The following RBM6 variants were observed in gnomAD, a reference collection of about 807,000 sequenced individuals.
RBM6 encodes RNA-binding protein 6.
RBM6 carries 23 observed loss-of-function variants against 140.4 expected under a neutral mutation model. The ratio of observed to expected loss-of-function variants is 0.16; its 90% confidence interval spans 0.12 to 0.23. The LOEUF (loss-of-function observed/expected upper bound fraction) is 0.23, where lower values mean the gene tolerates loss of function less well. Ranked by LOEUF, RBM6 falls within the 10% of genes least tolerant of loss-of-function variation. The pLI, the probability that RBM6 is intolerant of heterozygous loss-of-function variation, is 1.00. For synonymous variants in RBM6, 439 were observed against 475.6 expected (o/e 0.92, Z 1.00); for missense variants, 1,139 against 1,386.7 (o/e 0.82, Z 2.84).
intron 2 of RBM6, among the ~76,000 whole-genome samples, chr3:49,964,832 A>G (rs1441383033): frequency 6.6e-6 from 1 of 152,204 alleles, no homozygotes; most frequent in African/African-American, 2.4e-5. Context: ...ACTTTTTTCA[A>G]ATTTAGAACA....
At chr3:50,053,398 G>A (rs1391633896) in intron 7 of RBM6, among the ~76,000 whole-genome samples, 1 of 152,112 alleles carries the variant, frequency 6.6e-6, no homozygotes, top group African/African-American at 2.4e-5. Context: ...AGGTGTAGTG[G>A]CACATGCCTG....
At chr3:49,980,718 C>T (rs921740031) in intron 5 of RBM6, among the ~76,000 whole-genome samples, 3 of 145,806 alleles carry the variant, frequency 2.1e-5, no homozygotes, top group Non-Finnish European at 4.5e-5. Context: ...GCCAAGATCA[C>T]GCCATTGCAC....
At chr3:49,957,775 T>C (rs1460499130) in intron 1 of RBM6, among the ~76,000 whole-genome samples, 1 of 152,090 alleles carries the variant, frequency 6.6e-6, no homozygotes, top group Non-Finnish European at 1.5e-5. Flanking sequence ...AAAGCAAAAT[T>C]GCAATAATGC....
intron 6 of RBM6, among the ~76,000 whole-genome samples, chr3:50,040,710 G>A (rs2088867400): frequency 1.3e-5 from 2 of 149,560 alleles, no homozygotes; most frequent in South Asian, 4.2e-4. Context: ...AGGCTGGAAT[G>A]CAATGGCGTG....
At chr3:49,963,899 T>TCCTTTTTTTA in intron 2 of RBM6, among the ~76,000 whole-genome samples, 1 of 152,242 alleles carries the variant, frequency 6.6e-6, no homozygotes, top group Admixed American at 6.6e-5. Flanking sequence ...TAGTACATTT[T>TCCTTTTTTTA]CCTTTTTTTA....
rs199633632 is a variant in RBM6, at chr3:50,075,230, T to C, written c.3146T>C (p.Ile1049Thr). Residue 1049 changes from isoleucine (I) to threonine (T), a missense_variant, in exon 20 of 21, where the codon ATC (isoleucine) becomes ACC (threonine). Around this residue, in one of 9 missense-constraint regions of RBM6, gnomAD observed 125 missense variants for 142.0 expected, o/e 0.88. Transcript: ENST00000266022. ...CGTAAACTTGTTGATAAAGAAGATA[T>C]CGACACTAGCAGCAAAGGAGGCTGT... ...SDRKLVDKED[I>T]DTSSKGGCVQ... 7.2e-5 allele frequency: 116 copies of C among 1,613,750 alleles called. No individual in the cohort carries two copies. The highest frequency in any genetic ancestry group is 1.3e-4 in the East Asian group (6 of 44,866).
At chr3:49,955,500 T>G (rs1373341830) in intron 1 of RBM6, among the ~76,000 whole-genome samples, 1 of 151,900 alleles carries the variant, frequency 6.6e-6, no homozygotes, top group East Asian at 1.9e-4. Flanking sequence ...CAGGTTCAAG[T>G]GATTCTCCTG....
Position 50,065,116 on chromosome 3 carries a change from G to A in RBM6, c.2672G>A (p.Ser891Asn), listed in dbSNP as rs1187672667. ...PLPPTVKKEE[S>N]PPPPKVVNPL... ...CCTCCTACTGTGAAGAAGGAAGAGA[G>A]TCCCCCTCCAGTAAGACCAACATTG... is the stretch of plus-strand genomic sequence containing the variant. The change falls in exon 16 of 21, where the codon AGT becomes AAT. Residue 891 changes from serine (S) to asparagine (N), a missense_variant. This residue lies in a region of RBM6 where 163 missense variants were observed against 182.8 expected (regional missense o/e 0.89). Coordinates refer to ENST00000266022, the MANE Select transcript of RBM6 (RefSeq NM_005777.3). 6.2e-7 allele frequency: 1 copy of A among 1,611,152 alleles called. No individual in the cohort carries two copies. Among genetic ancestry groups the A allele is most frequent in the Non-Finnish European group, 8.5e-7 (1 of 1,177,502 alleles).
At chr3:50,063,756 C>T (rs1292341327) in intron 15 of RBM6, among the ~76,000 whole-genome samples, 1 of 151,918 alleles carries the variant, frequency 6.6e-6, no homozygotes, top group East Asian at 2.0e-4. Context: ...CAAAAATTAG[C>T]TGGACGTGGT....
intron 13 of RBM6, 68 bp downstream of exon 13, chr3:50,061,289 G>C (rs2089931631): frequency 6.2e-7 from 1 of 1,608,646 alleles, no homozygotes; most frequent in Non-Finnish European, 8.5e-7. Context: ...CTTGACATCT[G>C]TGTGATCACA....
intron 1 of RBM6, among the ~76,000 whole-genome samples, chr3:49,950,775 G>A (rs576983648): frequency 6.6e-6 from 1 of 151,372 alleles, no homozygotes; most frequent in Admixed American, 6.6e-5. Context: ...CAGAAAGAAT[G>A]AAAGGCAAAA....
intron 6 of RBM6, among the ~76,000 whole-genome samples, chr3:50,020,407 T>C (rs778408950): frequency 3.3e-5 from 5 of 152,172 alleles, no homozygotes; most frequent in Non-Finnish European, 7.3e-5. Context: ...TCTGCTTACT[T>C]TTGATTTAAT....
At chr3:49,949,677 C>A (rs1468647946) in intron 1 of RBM6, among the ~76,000 whole-genome samples, 2 of 151,966 alleles carry the variant, frequency 1.3e-5, no homozygotes, top group Non-Finnish European at 2.9e-5. Flanking sequence ...CAGTGCTCAG[C>A]CAATTTTTTG....
At chr3:49,960,187 C>T (rs975072127) in intron 1 of RBM6, among the ~76,000 whole-genome samples, 7 of 152,146 alleles carry the variant, frequency 4.6e-5, no homozygotes, top group African/African-American at 1.7e-4. Flanking sequence ...CAAATAAGGT[C>T]TGCTTTGCTC....
chr3:49,967,703 A>G lies in RBM6; in HGVS notation c.278A>G (p.His93Arg). Reference protein sequence around the residue: ...GDYRGGEGPGHDFRGGDFSSS... With the variant: ...GDYRGGEGPGRDFRGGDFSSS... ...TATCGAGGAGGGGAGGGACCTGGACATGATTTCAGGGGGGGAGATTTTTCG... is the reference window on the plus strand; with the variant it reads ...TATCGAGGAGGGGAGGGACCTGGACGTGATTTCAGGGGGGGAGATTTTTCG... The change falls in exon 3 of 21, where the codon CAT becomes CGT. Residue 93 changes from histidine (H) to arginine (R), a missense_variant. By Grantham distance (29) the His-to-Arg change is conservative (BLOSUM62 0). This residue lies in a region of RBM6 where 566 missense variants were observed against 612.7 expected (regional missense o/e 0.92). Coordinates refer to ENST00000266022, the MANE Select transcript of RBM6 (RefSeq NM_005777.3). This position sits in a 1 kb window ranked among gnomAD's most constrained non-coding sequence, Gnocchi z 4.0. 1 of 1,614,110 alleles carries G rather than the reference A, an allele frequency of 6.2e-7. No homozygotes were observed. Among genetic ancestry groups the G allele is most frequent in the East Asian group, 2.2e-5 (1 of 44,888 alleles).
At chr3:49,970,373 C>T (rs2084734986) in intron 3 of RBM6, among the ~76,000 whole-genome samples, 1 of 152,160 alleles carries the variant, frequency 6.6e-6, no homozygotes, top group African/African-American at 2.4e-5. Flanking sequence ...AGCCACTGCC[C>T]CTACCCTTTT....
chr3:50,042,794 C>T (rs1156474345), intron 6 of RBM6, among the ~76,000 whole-genome samples: 4 of 151,996 alleles, frequency 2.6e-5, no homozygotes, highest in African/African-American at 4.8e-5. Flanking sequence ...TTTGAGCCAA[C>T]GGAATGGGAG....
In RBM6 at chr3:49,967,554, C is replaced by A; in HGVS notation, c.129C>A (p.His43Gln). The A allele has an allele frequency of 6.2e-7, 1 of 1,614,180 alleles. No individual in the cohort carries two copies. Among genetic ancestry groups the A allele is most frequent in the Non-Finnish European group, 8.5e-7 (1 of 1,180,040 alleles). ...PPLKSHAQER[H>Q]SGNFPGRDSL... ...TTAAGAGTCATGCTCAAGAGAGACA[C>A]TCTGGCAACTTTCCTGGCAGAGATT... The change falls in exon 3 of 21, where the codon CAC becomes CAA. Residue 43 changes from histidine (H) to glutamine (Q), a missense_variant. Physicochemically the swap from His to Gln is conservative, Grantham distance 24. Coordinates refer to ENST00000266022, the MANE Select transcript of RBM6 (RefSeq NM_005777.3). This position sits in a 1 kb window ranked among gnomAD's most constrained non-coding sequence, Gnocchi z 4.0.
intron 6 of RBM6, among the ~76,000 whole-genome samples, chr3:50,019,296 G>A (rs2087356506): frequency 6.6e-6 from 1 of 152,070 alleles, no homozygotes; most frequent in Non-Finnish European, 1.5e-5. Context: ...GAATTGCTGG[G>A]ATTACAGGCA....
Sources: allele counts gnomAD v4.1 joint callset (sites outside exome capture counted in the v4.1 genomes callset), GRCh38; gene constraint gnomAD v4.1.1; regional missense constraint gnomAD v4.1.1; non-coding constraint Gnocchi (gnomAD v3.1); transcripts MANE v1.5; gene names NCBI Gene and HGNC (gene_info 2026-07-23, HGNC 2026-07-21).